CCDC158: variants seen among roughly 807,000 people sequenced by gnomAD.
CCDC158 encodes coiled-coil domain-containing protein 158.
Under a neutral mutation model 138.6 loss-of-function variants are expected in CCDC158, and 116 were observed. The ratio of observed to expected loss-of-function variants is 0.84; its 90% CI spans 0.72 to 0.98. CCDC158 has a LOEUF of 0.98. Ranked by LOEUF, CCDC158 falls within the 50% of genes least tolerant of loss-of-function variation. The pLI, the probability that CCDC158 is intolerant of heterozygous loss-of-function variation, is 0.00. For missense variants in CCDC158, 1,265 were observed against 1,306.1 expected (o/e 0.97, Z 0.48); for synonymous variants, 436 against 442.4 (o/e 0.99, Z 0.18).
chr4:76,379,659 C>T (rs1726041875), intron 8 of CCDC158, among the ~76,000 whole-genome samples: 1 of 151,462 alleles, frequency 6.6e-6, no homozygotes, highest in African/African-American at 2.4e-5. Flanking sequence ...AGAAAATGTC[C>T]ATATAAAAAG....
intron 9 of CCDC158, among the ~76,000 whole-genome samples, chr4:76,373,759 T>C (rs1490559928): frequency 6.6e-6 from 1 of 152,230 alleles, no homozygotes; most frequent in Non-Finnish European, 1.5e-5. Flanking sequence ...TAGACTTTAA[T>C]ATTTATATTG....
intron 24 of CCDC158, among the ~76,000 whole-genome samples, chr4:76,315,228 C>T (rs1036375952): frequency 1.3e-5 from 2 of 152,172 alleles, no homozygotes; most frequent in African/African-American, 4.8e-5. Flanking sequence ...GCCCAAGAAC[C>T]ATCCTGCGTA....
chr4:76,345,512 G>A (rs939656087), intron 18 of CCDC158: 6 of 929,590 alleles, frequency 6.5e-6, no homozygotes, highest in African/African-American at 3.2e-5. Flanking sequence ...TCATTGAAAT[G>A]TCTGAACTGG....
intron 4 of CCDC158, among the ~76,000 whole-genome samples, chr4:76,387,548 G>A (rs954168791): frequency 6.6e-6 from 1 of 152,024 alleles, no homozygotes; most frequent in South Asian, 2.1e-4. Flanking sequence ...AAATAGGCTG[G>A]GTGCGGTAGC....
chr4:76,359,420 G>A (rs1473276193), intron 13 of CCDC158, among the ~76,000 whole-genome samples: 1 of 152,210 alleles, frequency 6.6e-6, no homozygotes. Flanking sequence ...AAGAAGACAG[G>A]AAGATGTGGG....
At chr4:76,344,297 G>A (rs973408522) in intron 18 of CCDC158, among the ~76,000 whole-genome samples, 10 of 152,198 alleles carry the variant, frequency 6.6e-5, no homozygotes, top group African/African-American at 2.4e-4. Flanking sequence ...CAACTAACAA[G>A]GGATGTGAGG....
chr4:76,328,960 C>T lies in CCDC158; in HGVS notation c.2950G>A (p.Val984Ile), dbSNP rs774374758. The change falls in exon 22 of 25, where the codon GTC (valine) becomes ATC (isoleucine). Residue 984 changes from valine to isoleucine, a missense_variant. Coordinates refer to ENST00000682701, the MANE Select transcript of CCDC158 (RefSeq NM_001394954.1). ...TCCCTGTCTCCTGCGTGTAATGTGA[C>T]TGGCTCTCTGGAAGCATAAGAATGG... ...KSSETLSREP[V>I]TLHAGDREDP... 1 of 1,613,410 alleles carries T rather than the reference C, an allele frequency of 6.2e-7. No homozygotes were observed. The highest frequency in any genetic ancestry group is 2.2e-5 in the East Asian group (1 of 44,866).
At chr4:76,410,020 A>G (rs1729169077) in intron 2 of CCDC158, among the ~76,000 whole-genome samples, 1 of 151,600 alleles carries the variant, frequency 6.6e-6, no homozygotes, top group Non-Finnish European at 1.5e-5. Context: ...GTTTAAAAGT[A>G]CCTCCTGGGT....
At chr4:76,367,881 T>C (rs1724847789) in intron 11 of CCDC158, 105 bp from the exon 12 acceptor site, 2 of 1,106,272 alleles carry the variant, frequency 1.8e-6, no homozygotes, top group East Asian at 2.5e-5. Context: ...AATTAGGCAA[T>C]GTTTAGTAAG....
rs1457446465 is a variant in CCDC158 at position 76,334,154 on chromosome 4, G to A, written c.2678C>T (p.Ala893Val). 6.2e-7 allele frequency: 1 copy of A among 1,606,608 alleles called. No individual in the cohort carries two copies. The highest frequency in any genetic ancestry group is 2.2e-5 in the East Asian group (1 of 44,768). The change falls in exon 19 of 25, where the codon GCT becomes GTT. Residue 893 changes from alanine to valine, a missense_variant. Physicochemically the swap from Ala to Val is moderately conservative, Grantham distance 64. Transcript: ENST00000682701. ...TGTTGGATCTTCCTTCAGTGTGTTAGCTTTTGTAGAGTGCTGAGTTAAAAC... is the reference window on the plus strand; with the variant it reads ...TGTTGGATCTTCCTTCAGTGTGTTAACTTTTGTAGAGTGCTGAGTTAAAAC... ...ASFLSHHSTK[A>V]NTLKEDPTRD... is the part of the protein sequence containing the mutation.
intron 18 of CCDC158, among the ~76,000 whole-genome samples, chr4:76,338,733 T>G (rs1721776022): frequency 6.6e-6 from 1 of 152,180 alleles, no homozygotes; most frequent in Admixed American, 6.5e-5. Context: ...AGACACTGAT[T>G]TTTGTCCATG....
At chr4:76,413,852 A>T (rs1353779453) in intron 1 of CCDC158, among the ~76,000 whole-genome samples, 1 of 152,250 alleles carries the variant, frequency 6.6e-6, no homozygotes, top group African/African-American at 2.4e-5. Context: ...GATAGGAACA[A>T]TTCTAAACTG....
At chr4:76,354,930 ATTATT>A (rs998617405) in intron 15 of CCDC158, among the ~76,000 whole-genome samples, 78 of 152,288 alleles carry the variant, frequency 5.1e-4, no homozygotes, top group African/African-American at 1.7e-3. Context: ...TTAGGTTCCT[ATTATT>A]TTATGTGTCA....
Position 76,345,830 on chromosome 4 carries a change from G to GA in CCDC158, c.2664+5165dup, listed in dbSNP as rs201852017. ...GCCATACTGCCCAAACTAATTGGTA[G>GA]ATTCAATGATATCCCCATCAAGCTA... On this transcript the variant is annotated intron_variant, in intron 18 of 24. Coordinates refer to ENST00000682701, the MANE Select transcript of CCDC158 (RefSeq NM_001394954.1). Among the ~76,000 whole-genome samples the GA allele has an allele frequency of 1.6e-3, 242 of 152,220 alleles. 5 individuals carry two copies. The East Asian group carries it at 0.036, about 23-fold the overall frequency.
intron 21 of CCDC158, among the ~76,000 whole-genome samples, chr4:76,329,866 T>C (rs59340089): frequency 0.029 from 4,447 of 152,310 alleles, 213 homozygotes; most frequent in African/African-American, 0.1. Context: ...ATAGTTGATA[T>C]GCATTTAATC....
chr4:76,324,179 AG>A (rs1205162593), intron 23 of CCDC158, among the ~76,000 whole-genome samples: 6 of 151,440 alleles, frequency 4.0e-5, no homozygotes, highest in Non-Finnish European at 8.8e-5. Context: ...AATGAGAAAC[AG>A]TTTCTTGGAG....
intron 19 of CCDC158, among the ~76,000 whole-genome samples, chr4:76,333,555 C>T (rs976344881): frequency 3.9e-5 from 6 of 152,232 alleles, no homozygotes; most frequent in African/African-American, 7.2e-5. Context: ...ACAGAGAAAA[C>T]GAAGTATTTC....
chr4:76,339,413 T>C (rs1385895148), intron 18 of CCDC158, among the ~76,000 whole-genome samples: 3 of 152,180 alleles, frequency 2.0e-5, no homozygotes, highest in Non-Finnish European at 4.4e-5. Context: ...GACATACAGA[T>C]GAAATAGCAG....
chr4:76,326,938 T>A (rs1282942668), intron 22 of CCDC158, among the ~76,000 whole-genome samples: 2 of 152,144 alleles, frequency 1.3e-5, no homozygotes, highest in Non-Finnish European at 2.9e-5. Context: ...TGTGGGTATA[T>A]CTAAATGAAT....
Sources: gnomAD v4.1 joint callset for allele counts (sites outside exome capture counted in the v4.1 genomes callset) on GRCh38, gnomAD v4.1.1 for gene constraint, MANE v1.5 for transcripts, NCBI Gene and HGNC (gene_info 2026-07-23, HGNC 2026-07-21) for gene names.